The following SSH2 variants were observed in gnomAD, a reference collection of about 807,000 sequenced individuals.
The protein encoded by SSH2 is slingshot protein phosphatase 2, also known as protein phosphatase Slingshot homolog 2.
In SSH2, 37 loss-of-function variants were observed where a neutral mutation model predicts 135.2. The ratio of observed to expected loss-of-function variants is 0.27; its 90% CI spans 0.21 to 0.36. The LOEUF (loss-of-function observed/expected upper bound fraction) is 0.36. Ranked by LOEUF, SSH2 falls within the 10% of genes least tolerant of loss-of-function variation. The probability of loss-of-function intolerance (pLI) is 1.00; values close to 1 mark genes in which losing one functional copy is unlikely to be tolerated. For missense variants in SSH2, 1,408 were observed against 1,765.3 expected (o/e 0.80, Z 3.63); for synonymous variants, 628 against 646.2 (o/e 0.97, Z 0.43).
chr17:29,869,691 T>C (rs2065908817), intron 1 of SSH2, among the ~76,000 whole-genome samples: 1 of 152,178 alleles, frequency 6.6e-6, no homozygotes, highest in Non-Finnish European at 1.5e-5. Flanking sequence ...ACCCCCTGAT[T>C]ATTGCCAAAG....
intron 10 of SSH2, 62 bp downstream of exon 10, chr17:29,667,068 C>T (rs1003007483): frequency 1.2e-5 from 19 of 1,605,850 alleles, no homozygotes; most frequent in Non-Finnish European, 1.4e-5. Flanking sequence ...CTATTTCCAG[C>T]CCCACACCTA....
At chr17:29,858,464 C>T (rs571193886) in intron 1 of SSH2, among the ~76,000 whole-genome samples, 42 of 152,204 alleles carry the variant, frequency 2.8e-4, no homozygotes, top group African/African-American at 5.8e-4. Context: ...TATTTGGAAA[C>T]GGAGCCTTTA....
At chr17:29,762,516 A>C (rs1460890492) in intron 3 of SSH2, among the ~76,000 whole-genome samples, 1 of 152,220 alleles carries the variant, frequency 6.6e-6, no homozygotes, top group Non-Finnish European at 1.5e-5. Context: ...AGTAACATTT[A>C]AGGTCTAAGC....
intron 1 of SSH2, among the ~76,000 whole-genome samples, chr17:29,891,525 A>G (rs1408092363): frequency 6.6e-6 from 1 of 152,156 alleles, no homozygotes; most frequent in Non-Finnish European, 1.5e-5. Context: ...AGCAGGCTCA[A>G]GCAAGCAGCT....
intron 2 of SSH2, among the ~76,000 whole-genome samples, chr17:29,812,444 T>G (rs957193422): frequency 1.4e-4 from 22 of 152,048 alleles, no homozygotes; most frequent in African/African-American, 5.3e-4. Context: ...CCACCATGCT[T>G]GACTAACTTT....
intron 3 of SSH2, among the ~76,000 whole-genome samples, chr17:29,732,857 G>A (rs1762569412): frequency 6.6e-6 from 1 of 152,134 alleles, no homozygotes; most frequent in African/African-American, 2.4e-5. Flanking sequence ...AATACGCACT[G>A]AGCAATCTCT....
At chr17:29,785,805 C>CTTTT (rs748367220) in intron 3 of SSH2, among the ~76,000 whole-genome samples, 6,741 of 125,024 alleles carry the variant, frequency 0.054, 273 homozygotes, top group Non-Finnish European at 0.065. Flanking sequence ...AGTCCGTTTA[C>CTTTT]TTTTTTTTTT....
At chr17:29,807,320 G>A (rs545604932) in intron 2 of SSH2, among the ~76,000 whole-genome samples, 1 of 152,222 alleles carries the variant, frequency 6.6e-6, no homozygotes, top group Admixed American at 6.5e-5. Context: ...TTTTCATTAG[G>A]GGGAAATGAA....
intron 3 of SSH2, among the ~76,000 whole-genome samples, chr17:29,755,190 G>C (rs73263629): frequency 7.9e-5 from 12 of 152,252 alleles, no homozygotes; most frequent in African/African-American, 2.9e-4. Flanking sequence ...TAAAATGCAC[G>C]TACAGACTCT....
chr17:29,816,299 T>A (rs1270720529), intron 2 of SSH2, among the ~76,000 whole-genome samples: 1 of 152,172 alleles, frequency 6.6e-6, no homozygotes, highest in Non-Finnish European at 1.5e-5. Context: ...GTAACAGATA[T>A]AGAGGTAGAT....
intron 14 of SSH2, among the ~76,000 whole-genome samples, chr17:29,646,838 G>C (rs1204300530): frequency 6.6e-6 from 1 of 152,044 alleles, no homozygotes; most frequent in Non-Finnish European, 1.5e-5. Context: ...TCTAGGAAGT[G>C]CTTTCATACC....
chr17:29,831,676 A>T (rs928392588), intron 2 of SSH2, among the ~76,000 whole-genome samples: 8 of 148,880 alleles, frequency 5.4e-5, no homozygotes, highest in Non-Finnish European at 8.9e-5. Context: ...GGTTCAAGTG[A>T]TTCTTCTGCT....
chr17:29,860,281 T>A (rs1191343103), intron 1 of SSH2, among the ~76,000 whole-genome samples: 3 of 152,204 alleles, frequency 2.0e-5, no homozygotes, highest in Non-Finnish European at 4.4e-5. Flanking sequence ...ATTTTTTGAC[T>A]TTTAATAATA....
At chr17:29,808,265 A>G (rs1274648786) in intron 2 of SSH2, among the ~76,000 whole-genome samples, 1 of 152,200 alleles carries the variant, frequency 6.6e-6, no homozygotes, top group Non-Finnish European at 1.5e-5. Context: ...AGTAACAGGG[A>G]TTACAGGCGC....
At chr17:29,840,821 C>A (rs2043027381) in intron 2 of SSH2, among the ~76,000 whole-genome samples, 1 of 152,190 alleles carries the variant, frequency 6.6e-6, no homozygotes, top group Non-Finnish European at 1.5e-5. Flanking sequence ...TCTAACAACT[C>A]CATGGGATAG....
intron 3 of SSH2, among the ~76,000 whole-genome samples, chr17:29,764,267 A>C (rs538419882): frequency 6.6e-6 from 1 of 152,280 alleles, no homozygotes; most frequent in South Asian, 2.1e-4. Context: ...TTGCTTTTTT[A>C]AGAAAAAAAT....
chr17:29,916,469 C>CTT (rs60472572), intron 1 of SSH2, among the ~76,000 whole-genome samples: 12 of 139,776 alleles, frequency 8.6e-5, no homozygotes, highest in African/African-American at 1.3e-4. Flanking sequence ...TTTTTTCTTT[C>CTT]TTTTTTTTTT....
intron 3 of SSH2, among the ~76,000 whole-genome samples, chr17:29,728,291 A>C (rs1358549588): frequency 6.6e-6 from 1 of 152,260 alleles, no homozygotes; most frequent in Non-Finnish European, 1.5e-5. Context: ...AAATTTAAGA[A>C]GTAATACCAT....
intron 2 of SSH2, among the ~76,000 whole-genome samples, chr17:29,840,908 T>C (rs143331922): frequency 6.6e-6 from 1 of 152,246 alleles, no homozygotes; most frequent in African/African-American, 2.4e-5. Flanking sequence ...GTGGTGAAGC[T>C]GGGCTCTGAC....
Sources: allele counts gnomAD v4.1 joint callset (sites outside exome capture counted in the v4.1 genomes callset), GRCh38; gene constraint gnomAD v4.1.1; transcripts MANE v1.5; gene names NCBI Gene and HGNC (gene_info 2026-07-23, HGNC 2026-07-21).